PLCL2: variants seen among roughly 807,000 people sequenced by gnomAD.
PLCL2 encodes the protein inactive phospholipase C-like protein 2.
In PLCL2, 4 loss-of-function variants were observed where a neutral mutation model predicts 79.6. That is an observed-to-expected ratio of 0.05 (90% CI 0.02 to 0.11). PLCL2 has a LOEUF of 0.11. Ranked by LOEUF, PLCL2 falls within the 10% of genes least tolerant of loss-of-function variation. The pLI, the probability that PLCL2 is intolerant of heterozygous loss-of-function variation, is 1.00. For synonymous variants in PLCL2, 484 were observed against 457.7 expected, an observed-to-expected ratio of 1.06 and a Z score of -0.73; for missense variants, 895 against 1,291.0, an observed-to-expected ratio of 0.69 and a Z score of 4.70.
chr3:16,954,007 ATTTTTG>A (rs1324547628), intron 1 of PLCL2, among the ~76,000 whole-genome samples: 1 of 151,964 alleles, frequency 6.6e-6, no homozygotes, highest in African/African-American at 2.4e-5. Flanking sequence ...TGACATATAC[ATTTTTG>A]TTTGTTTGTT....
intron 1 of PLCL2, among the ~76,000 whole-genome samples, chr3:16,987,072 C>T (rs1259454943): frequency 2.6e-5 from 4 of 150,980 alleles, no homozygotes; most frequent in African/African-American, 9.7e-5. Context: ...TTTCCTGTAC[C>T]TTCATTATTT....
chr3:16,909,365 A>G (rs1421282487), intron 1 of PLCL2, among the ~76,000 whole-genome samples: 2 of 152,226 alleles, frequency 1.3e-5, no homozygotes, highest in Non-Finnish European at 2.9e-5. Context: ...CATCTAGGAA[A>G]AGGAAATAAT....
At position 16,992,477 on chromosome 3, in the gene PLCL2, A is replaced by G. The variant is rs190870789; in HGVS notation, c.328-17197A>G. Reference sequence around the variant, plus strand: ...TAACCCCCATTTGCATCTCTTCCCCATTTGTGGGCTATACAGGCATTGTGG... The same window carrying G: ...TAACCCCCATTTGCATCTCTTCCCCGTTTGTGGGCTATACAGGCATTGTGG... On this transcript the variant is annotated intron_variant, in intron 1 of 5. Transcript: ENST00000615277. Among the ~76,000 whole-genome samples, 3 of 152,216 alleles carry G rather than the reference A, an allele frequency of 2.0e-5. No homozygotes were observed. The East Asian group carries it at 5.8e-4, about 29-fold the overall frequency.
Position 17,012,048 on chromosome 3 carries a change from A to G in PLCL2, c.2702A>G (p.Lys901Arg), listed in dbSNP as rs1262507172. The G allele has an allele frequency of 1.2e-6, 2 of 1,614,214 alleles. No individual in the cohort carries two copies. Among genetic ancestry groups the G allele is most frequent in the Non-Finnish European group, 1.7e-6 (2 of 1,180,024 alleles). ...KRGLSVRKGK[K>R]SREYASLRTL... ...GGCCTTTCTGTGAGAAAAGGGAAGAAATCCAGGGAATATGCATCTTTGAGA... is the reference window on the plus strand; with the variant it reads ...GGCCTTTCTGTGAGAAAAGGGAAGAGATCCAGGGAATATGCATCTTTGAGA... The change falls in exon 2 of 6, where the codon AAA becomes AGA. Residue 901 changes from lysine (K) to arginine (R), a missense_variant. Physicochemically the swap from Lys to Arg is conservative, Grantham distance 26 (BLOSUM62 2). Around this residue, in one of 6 missense-constraint regions of PLCL2, gnomAD observed 298 missense variants for 459.6 expected, o/e 0.65. Transcript: ENST00000615277.
At chr3:16,951,301 T>C (rs966816201) in intron 1 of PLCL2, among the ~76,000 whole-genome samples, 1 of 152,132 alleles carries the variant, frequency 6.6e-6, no homozygotes, top group South Asian at 2.1e-4. Flanking sequence ...ATTTTGGTAA[T>C]TATATCTTCC....
intron 5 of PLCL2, among the ~76,000 whole-genome samples, chr3:17,069,971 G>A (rs375244894): frequency 9.2e-5 from 14 of 152,274 alleles, no homozygotes; most frequent in African/African-American, 3.1e-4. Flanking sequence ...GTCAGAGGTG[G>A]GGGGTACACT....
At chr3:16,986,514 G>A (rs2064052113) in intron 1 of PLCL2, among the ~76,000 whole-genome samples, 1 of 152,062 alleles carries the variant, frequency 6.6e-6, no homozygotes, top group African/African-American at 2.4e-5. Flanking sequence ...CAATTCTCCT[G>A]CCTCAGCCTC....
In PLCL2 at chr3:16,942,381, GAA is replaced by G. The variant is rs557079470; in HGVS notation, c.327+57017_327+57018del. Among the ~76,000 whole-genome samples, 67 of 152,312 alleles carry G rather than the reference GAA, an allele frequency of 4.4e-4. 2 individuals carry two copies. In the South Asian group the frequency reaches 0.013, roughly 29 times the overall value. On this transcript the variant is annotated intron_variant, in intron 1 of 5. Transcript: ENST00000615277. ...CCTGCAACCAGGATGGTGGAGGAAG[GAA>G]AGAGTGGCAGGTGAAAGGTTTCCTA...
At chr3:17,087,560 A>T (rs2065233208) in intron 5 of PLCL2, among the ~76,000 whole-genome samples, 1 of 152,222 alleles carries the variant, frequency 6.6e-6, no homozygotes, top group East Asian at 1.9e-4. Context: ...ACTATTCTGC[A>T]TGATCGTGTA....
intron 1 of PLCL2, among the ~76,000 whole-genome samples, chr3:16,995,696 TA>T (rs891736598): frequency 1.3e-5 from 2 of 152,262 alleles, no homozygotes; most frequent in African/African-American, 4.8e-5. Flanking sequence ...AAATTGGGCT[TA>T]TTTTTTTTCC....
intron 1 of PLCL2, among the ~76,000 whole-genome samples, chr3:16,975,568 CTTG>C (rs767474577): frequency 6.6e-6 from 1 of 152,092 alleles, no homozygotes; most frequent in Non-Finnish European, 1.5e-5. Flanking sequence ...TGGGATAAGA[CTTG>C]TTGTTAGGGC....
chr3:17,007,063 A>G (rs1462464194), intron 1 of PLCL2, among the ~76,000 whole-genome samples: 1 of 152,236 alleles, frequency 6.6e-6, no homozygotes, highest in East Asian at 1.9e-4. Flanking sequence ...TAATTGTTCT[A>G]CTAGTGTCAT....
At position 17,085,162 on chromosome 3, in the gene PLCL2, T is replaced by A. The variant is rs556568352; in HGVS notation, c.3205-4571T>A. Among the ~76,000 whole-genome samples the A allele has an allele frequency of 1.0e-3, 154 of 152,062 alleles. 4 individuals are homozygous for A. In the South Asian group the frequency reaches 0.031, roughly 31 times the overall value. On this transcript the variant is annotated intron_variant, in intron 5 of 5. Transcript: ENST00000615277. ...AGAAAAAAAAAATTTTGAGACAGGG[T>A]CTCACTCTGTCACCCAGGCTGGAGT...
intron 5 of PLCL2, among the ~76,000 whole-genome samples, chr3:17,076,238 CGTGA>C (rs1167705689): frequency 4.6e-5 from 7 of 151,950 alleles, no homozygotes; most frequent in Non-Finnish European, 8.8e-5. Context: ...TTTGTGTGTA[CGTGA>C]GTTTTAAAAA....
intron 1 of PLCL2, among the ~76,000 whole-genome samples, chr3:16,959,178 A>G (rs1575553699): frequency 6.6e-6 from 1 of 152,110 alleles, no homozygotes; most frequent in Non-Finnish European, 1.5e-5. Context: ...GAATTCTGCC[A>G]TACACCCAGG....
chr3:17,002,031 G>A (rs894161521), intron 1 of PLCL2, among the ~76,000 whole-genome samples: 1 of 151,918 alleles, frequency 6.6e-6, no homozygotes, highest in African/African-American at 2.4e-5. Context: ...TTTCATTAGT[G>A]CTCTATCATT....
At chr3:16,927,227 T>TATG (rs1697277519) in intron 1 of PLCL2, among the ~76,000 whole-genome samples, 1 of 152,174 alleles carries the variant, frequency 6.6e-6, no homozygotes, top group Non-Finnish European at 1.5e-5. Flanking sequence ...TGATGCACAA[T>TATG]ATGGTGTAAA....
intron 4 of PLCL2, among the ~76,000 whole-genome samples, chr3:17,059,430 G>GTATA (rs375945665): frequency 4.4e-4 from 64 of 146,178 alleles, no homozygotes; most frequent in African/African-American, 1.4e-3. Flanking sequence ...ATGTGTGTGT[G>GTATA]TATATATATA....
intron 1 of PLCL2, among the ~76,000 whole-genome samples, chr3:16,896,306 G>A (rs936395934): frequency 6.6e-6 from 1 of 152,086 alleles, no homozygotes; most frequent in Admixed American, 6.6e-5. Context: ...CTGGAGAGGG[G>A]GTGGGTGGAG....
Sources: gnomAD v4.1 joint callset for allele counts (sites outside exome capture counted in the v4.1 genomes callset) on GRCh38, gnomAD v4.1.1 for gene constraint, gnomAD v4.1.1 regional missense constraint, MANE v1.5 for transcripts, NCBI Gene and HGNC (gene_info 2026-07-23, HGNC 2026-07-21) for gene names.